MAML2: variants seen among roughly 807,000 people sequenced by gnomAD.
MAML2 encodes mastermind-like protein 2.
A neutral mutation model predicts 96.1 loss-of-function variants in MAML2; 22 were observed. That is an observed-to-expected ratio of 0.23 (90% CI 0.16 to 0.33). The LOEUF is 0.33. Among genes scored for constraint, MAML2 ranks in the 10% least tolerant of loss-of-function variants. The pLI is 1.00. For synonymous variants in MAML2, 561 were observed against 521.3 expected, an observed-to-expected ratio of 1.08 and a Z score of -1.04; for missense variants, 1,367 against 1,392.4, an observed-to-expected ratio of 0.98 and a Z score of 0.29.
At chr11:96,141,622 G>T (rs1249220570) in intron 1 of MAML2, among the ~76,000 whole-genome samples, 1 of 152,136 alleles carries the variant, frequency 6.6e-6, no homozygotes, top group Non-Finnish European at 1.5e-5. Context: ...TAGAAAAAGG[G>T]GTGATTCTGA....
At chr11:96,299,541 C>T (rs79921214) in intron 1 of MAML2, among the ~76,000 whole-genome samples, 1,663 of 152,132 alleles carry the variant, frequency 0.011, 24 homozygotes, top group African/African-American at 0.037. Flanking sequence ...TGTGAGCAGG[C>T]CTCGCCCTCA....
chr11:96,259,521 A>G (rs1862719074), intron 1 of MAML2, among the ~76,000 whole-genome samples: 1 of 152,250 alleles, frequency 6.6e-6, no homozygotes, highest in East Asian at 1.9e-4. Flanking sequence ...TTGTTTGTCT[A>G]GAATTTCCAT....
chr11:96,280,562 T>C (rs571498427), intron 1 of MAML2, among the ~76,000 whole-genome samples: 20 of 152,342 alleles, frequency 1.3e-4, no homozygotes, highest in South Asian at 1.2e-3. Flanking sequence ...AATTTGTAGT[T>C]GAAAGGGATC....
chr11:96,002,800 T>A (rs1182368089), intron 2 of MAML2, among the ~76,000 whole-genome samples: 1 of 141,022 alleles, frequency 7.1e-6, no homozygotes, highest in Non-Finnish European at 1.5e-5. Context: ...ATGGGGATGA[T>A]GAAGATGATG....
intron 1 of MAML2, among the ~76,000 whole-genome samples, chr11:96,125,417 A>G (rs1018385565): frequency 3.9e-5 from 6 of 152,128 alleles, no homozygotes; most frequent in Non-Finnish European, 8.8e-5. Flanking sequence ...CATCTGTAAC[A>G]CAAGTGGGTG....
At chr11:96,073,928 G>GA (rs1859391226) in intron 2 of MAML2, among the ~76,000 whole-genome samples, 1 of 152,054 alleles carries the variant, frequency 6.6e-6, no homozygotes, top group Non-Finnish European at 1.5e-5. Flanking sequence ...TAAAGGAACT[G>GA]AAAAAAATAA....
intron 1 of MAML2, among the ~76,000 whole-genome samples, chr11:96,119,539 T>G (rs1937048715): frequency 6.6e-6 from 1 of 152,202 alleles, no homozygotes; most frequent in Non-Finnish European, 1.5e-5. Context: ...ATGTGATGTA[T>G]TTAAGTTATT....
chr11:96,085,475 C>T (rs1241822108), intron 2 of MAML2, among the ~76,000 whole-genome samples: 3 of 152,194 alleles, frequency 2.0e-5, no homozygotes, highest in Admixed American at 2.0e-4. Flanking sequence ...CAACTGACAT[C>T]TGATTAGAAA....
chr11:96,188,538 G>A (rs1861606588), intron 1 of MAML2, among the ~76,000 whole-genome samples: 2 of 152,126 alleles, frequency 1.3e-5, no homozygotes, highest in African/African-American at 4.8e-5. Context: ...TCCCTATTAT[G>A]GCAAGTACAA....
At chr11:96,010,722 T>C (rs999827073) in intron 2 of MAML2, among the ~76,000 whole-genome samples, 2 of 152,170 alleles carry the variant, frequency 1.3e-5, no homozygotes, top group South Asian at 2.1e-4. Flanking sequence ...CTATAGCAGA[T>C]TGCATTTGTT....
chr11:95,994,803 C>A (rs1190301410), intron 2 of MAML2, among the ~76,000 whole-genome samples: 1 of 152,160 alleles, frequency 6.6e-6, no homozygotes, highest in Non-Finnish European at 1.5e-5. Context: ...AGCTGACAAG[C>A]ATAGGTAGAA....
At chr11:96,230,402 AT>A (rs1862276421) in intron 1 of MAML2, among the ~76,000 whole-genome samples, 1 of 152,038 alleles carries the variant, frequency 6.6e-6, no homozygotes, top group African/African-American at 2.4e-5. Context: ...TCTTTTAAGG[AT>A]TTATACATAT....
intron 1 of MAML2, among the ~76,000 whole-genome samples, chr11:96,118,471 T>G (rs77046666): frequency 0.049 from 7,417 of 152,236 alleles, 222 homozygotes; most frequent in Middle Eastern, 0.12. Context: ...TGATTGTAAG[T>G]TTCCTGGGGC....
rs759671019 is a variant in MAML2, at chr11:96,227,077, C to T, written c.513+114306G>A. 4.6e-5 allele frequency among the ~76,000 whole-genome samples: 7 copies of T among 152,234 alleles called. No individual in the cohort carries two copies. In the South Asian group the frequency reaches 8.3e-4, roughly 18 times the overall value. ...CAACATGTCAAGCTGTCTCCTACCT[C>T]GGGGCCCTTGTACCTGCTAGCCTTT... On this transcript the variant is annotated intron_variant, in intron 1 of 4. Transcript: ENST00000524717.
intron 1 of MAML2, among the ~76,000 whole-genome samples, chr11:96,271,888 C>A (rs539460199): frequency 6.6e-6 from 1 of 152,274 alleles, no homozygotes; most frequent in East Asian, 1.9e-4. Flanking sequence ...GATATCAATT[C>A]CCATTTCTCT....
intron 1 of MAML2, among the ~76,000 whole-genome samples, chr11:96,308,348 A>T (rs982664695): frequency 6.6e-6 from 1 of 152,214 alleles, no homozygotes; most frequent in East Asian, 1.9e-4. Context: ...AGCATCTCTA[A>T]CATACATATG....
chr11:96,131,547 C>T (rs765583231), intron 1 of MAML2, among the ~76,000 whole-genome samples: 6 of 151,968 alleles, frequency 3.9e-5, no homozygotes, highest in African/African-American at 7.3e-5. Context: ...CTTACAATTG[C>T]GTTTATATGA....
At chr11:96,126,329 G>A (rs1034244257) in intron 1 of MAML2, among the ~76,000 whole-genome samples, 2 of 152,156 alleles carry the variant, frequency 1.3e-5, no homozygotes, top group East Asian at 1.9e-4. Context: ...AGGCTGAGGC[G>A]GGTGGATCAC....
At chr11:95,986,261 G>A (rs1857826894) in intron 3 of MAML2, among the ~76,000 whole-genome samples, 1 of 152,150 alleles carries the variant, frequency 6.6e-6, no homozygotes, top group African/African-American at 2.4e-5. Flanking sequence ...GTGGAGTGCA[G>A]TGGTGTGATC....
Sources: allele counts gnomAD v4.1 joint callset (sites outside exome capture counted in the v4.1 genomes callset), GRCh38; gene constraint gnomAD v4.1.1; transcripts MANE v1.5; gene names NCBI Gene and HGNC (gene_info 2026-07-23, HGNC 2026-07-21).